APBA1: variants seen among roughly 807,000 people sequenced by gnomAD.
APBA1 encodes the protein amyloid-beta A4 precursor protein-binding family A member 1.
APBA1 carries 55 observed loss-of-function variants against 86.6 expected under a neutral mutation model. The observed-to-expected ratio is 0.64, with a 90% confidence interval of 0.51 to 0.80. The LOEUF (loss-of-function observed/expected upper bound fraction) is 0.80, where lower values mean the gene tolerates loss of function less well. APBA1 is among the 30% of genes least tolerant of loss of function. The pLI is 0.00. For synonymous variants in APBA1, 511 were observed against 493.9 expected, an observed-to-expected ratio of 1.03 and a Z score of -0.46; for missense variants, 1,090 against 1,183.0, an observed-to-expected ratio of 0.92 and a Z score of 1.15.
intron 1 of APBA1, among the ~76,000 whole-genome samples, chr9:69,659,727 C>T (rs1823713935): frequency 6.6e-6 from 1 of 152,222 alleles, no homozygotes; most frequent in Non-Finnish European, 1.5e-5. Context: ...ACTTTTAACA[C>T]TGGCTTAAAA....
chr9:69,558,581 T>TATAC (rs1453158377), intron 1 of APBA1, among the ~76,000 whole-genome samples: 2 of 144,838 alleles, frequency 1.4e-5, no homozygotes, highest in African/African-American at 5.2e-5. Context: ...TATATATATA[T>TATAC]ACACATTATA....
At chr9:69,657,983 A>G (rs931391130) in intron 1 of APBA1, among the ~76,000 whole-genome samples, 7 of 152,238 alleles carry the variant, frequency 4.6e-5, no homozygotes, top group African/African-American at 1.7e-4. Flanking sequence ...CCAGGGATGC[A>G]GGCCTACCAA....
intron 1 of APBA1, among the ~76,000 whole-genome samples, chr9:69,641,614 C>G (rs1823288064): frequency 6.6e-6 from 1 of 151,760 alleles, no homozygotes; most frequent in Non-Finnish European, 1.5e-5. Context: ...TGATTTTCAA[C>G]AAAACTGTTA....
chr9:69,602,237 C>T (rs1277479306), intron 1 of APBA1, among the ~76,000 whole-genome samples: 1 of 152,084 alleles, frequency 6.6e-6, no homozygotes. Flanking sequence ...GCAACCATCA[C>T]CACTAACTCA....
At chr9:69,474,735 A>T (rs140282453) in intron 3 of APBA1, among the ~76,000 whole-genome samples, 67 of 152,180 alleles carry the variant, frequency 4.4e-4, no homozygotes, top group African/African-American at 1.5e-3. Flanking sequence ...GAGAAGGTCT[A>T]TGTTTGTTTG....
intron 1 of APBA1, among the ~76,000 whole-genome samples, chr9:69,587,119 C>T (rs987868935): frequency 6.6e-6 from 1 of 152,202 alleles, no homozygotes; most frequent in Non-Finnish European, 1.5e-5. Flanking sequence ...ATCCTACTTC[C>T]CACAAGAGCT....
intron 2 of APBA1, among the ~76,000 whole-genome samples, chr9:69,492,261 T>A (rs1252888458): frequency 6.6e-6 from 1 of 151,972 alleles, no homozygotes; most frequent in Admixed American, 6.6e-5. Context: ...AGCACCCACC[T>A]CCCGGGTTGC....
At position 69,476,136 on chromosome 9, in the gene APBA1, G is replaced by C; in HGVS notation, c.1208C>G (p.Ser403Cys). ...ACCCAAGGGGGAGGAGCTGCCAGGA[G>C]ACGGAGACTAGAACACAGCAAGAGG... ...DQRPMDGDSP[S>C]PGSSSPLGAE... Residue 403 changes from serine (S) to cysteine (C), a missense_variant, in exon 3 of 13, where the codon TCT becomes TGT. Physicochemically the swap from Ser to Cys is moderately radical, Grantham distance 112. This residue lies in a region of APBA1 where 678 missense variants were observed against 647.1 expected (regional missense o/e 1.05). Coordinates refer to ENST00000265381, the MANE Select transcript of APBA1 (RefSeq NM_001163.4). The C allele has an allele frequency of 6.2e-7, 1 of 1,612,932 alleles. No homozygotes were observed. Among genetic ancestry groups the C allele is most frequent in the Non-Finnish European group, 8.5e-7 (1 of 1,179,224 alleles).
At chr9:69,434,942 C>G (rs1834676840) in intron 11 of APBA1, among the ~76,000 whole-genome samples, 1 of 102,486 alleles carries the variant, frequency 9.8e-6, no homozygotes, top group Admixed American at 1.2e-4. Context: ...CTATCCCTCC[C>G]CCCTCCCCCC....
At chr9:69,477,262 G>A (rs946928134) in intron 2 of APBA1, among the ~76,000 whole-genome samples, 15 of 151,442 alleles carry the variant, frequency 9.9e-5, no homozygotes, top group East Asian at 4.0e-4. Context: ...CAGTGGGTGC[G>A]CGCACCGTGC....
At chr9:69,541,769 A>G (rs1306383553) in intron 1 of APBA1, among the ~76,000 whole-genome samples, 1 of 152,156 alleles carries the variant, frequency 6.6e-6, no homozygotes, top group African/African-American at 2.4e-5. Context: ...CAATAAAAAG[A>G]GTAAATACAC....
At chr9:69,644,334 C>T (rs1034470747) in intron 1 of APBA1, among the ~76,000 whole-genome samples, 1 of 152,180 alleles carries the variant, frequency 6.6e-6, no homozygotes. Context: ...ACCACCACCA[C>T]AGTCCATATA....
At chr9:69,657,231 T>C (rs947036500) in intron 1 of APBA1, among the ~76,000 whole-genome samples, 4 of 152,210 alleles carry the variant, frequency 2.6e-5, no homozygotes, top group Non-Finnish European at 5.9e-5. Flanking sequence ...AAAGAAGCTG[T>C]AAGAGAAGAA....
At chr9:69,482,831 G>A (rs1477470573) in intron 2 of APBA1, among the ~76,000 whole-genome samples, 1 of 151,604 alleles carries the variant, frequency 6.6e-6, no homozygotes, top group East Asian at 1.9e-4. Flanking sequence ...GTAGGGACAT[G>A]GATGAAATTG....
chr9:69,612,708 A>C (rs910820973), intron 1 of APBA1, among the ~76,000 whole-genome samples: 1 of 152,048 alleles, frequency 6.6e-6, no homozygotes, highest in African/African-American at 2.4e-5. Flanking sequence ...TGTACCAAAA[A>C]GATGTGTTTT....
chr9:69,662,223 G>A (rs1335789329), intron 1 of APBA1, among the ~76,000 whole-genome samples: 1 of 152,124 alleles, frequency 6.6e-6, no homozygotes, highest in East Asian at 1.9e-4. Flanking sequence ...GTCCTGTTTT[G>A]TAGCCACTGA....
chr9:69,603,916 C>G (rs1355457500), intron 1 of APBA1, among the ~76,000 whole-genome samples: 2 of 152,168 alleles, frequency 1.3e-5, no homozygotes, highest in African/African-American at 4.8e-5. Context: ...GCCCCAGATT[C>G]TAGAGTCTAG....
chr9:69,540,342 T>C (rs1269479242), intron 1 of APBA1, among the ~76,000 whole-genome samples: 2 of 152,132 alleles, frequency 1.3e-5, no homozygotes, highest in Non-Finnish European at 2.9e-5. Context: ...ACTTAAGAAG[T>C]GCTCAGTACA....
At chr9:69,448,784 C>A (rs567998178) in intron 10 of APBA1, among the ~76,000 whole-genome samples, 1 of 152,206 alleles carries the variant, frequency 6.6e-6, no homozygotes, top group African/African-American at 2.4e-5. Flanking sequence ...AGCTACAGTA[C>A]CGCAGCACTT....
Sources: allele counts gnomAD v4.1 joint callset (sites outside exome capture counted in the v4.1 genomes callset), GRCh38; gene constraint gnomAD v4.1.1; regional missense constraint gnomAD v4.1.1; transcripts MANE v1.5; gene names NCBI Gene and HGNC (gene_info 2026-07-23, HGNC 2026-07-21).